The following ADGRB3 variants were observed in gnomAD, a reference collection of about 807,000 sequenced individuals.
The protein encoded by ADGRB3 is adhesion G protein-coupled receptor B3.
A neutral mutation model predicts 193.4 loss-of-function variants in ADGRB3; 37 were observed. The ratio of observed to expected loss-of-function variants is 0.19; its 90% CI spans 0.15 to 0.25. The LOEUF (loss-of-function observed/expected upper bound fraction) is 0.25, where lower values mean the gene tolerates loss of function less well. Ranked by LOEUF, ADGRB3 falls within the 10% of genes least tolerant of loss-of-function variation. The pLI is 1.00. For synonymous variants in ADGRB3, 690 were observed against 644.2 expected (o/e 1.07, Z -1.08); for missense variants, 1,637 against 1,852.9 (o/e 0.88, Z 2.14).
intron 3 of ADGRB3, among the ~76,000 whole-genome samples, chr6:68,814,333 C>T (rs1007891224): frequency 7.2e-5 from 11 of 152,122 alleles, no homozygotes; most frequent in African/African-American, 2.4e-4. Flanking sequence ...TTTCATGTGT[C>T]TTTTGGCTGC....
At chr6:69,116,599 A>G (rs938142914) in intron 17 of ADGRB3, among the ~76,000 whole-genome samples, 20 of 152,234 alleles carry the variant, frequency 1.3e-4, no homozygotes, top group Non-Finnish European at 4.4e-5. Context: ...ATTTTCACTG[A>G]TTGCAGTAAA....
intron 20 of ADGRB3, among the ~76,000 whole-genome samples, chr6:69,273,673 G>T (rs963426013): frequency 6.6e-6 from 1 of 152,184 alleles, no homozygotes; most frequent in Non-Finnish European, 1.5e-5. Flanking sequence ...CAGCTTTCAA[G>T]TTTCTTTGTG....
intron 16 of ADGRB3, among the ~76,000 whole-genome samples, 193 bp downstream of exon 16, chr6:69,063,229 T>C (rs910648863): frequency 3.3e-5 from 5 of 152,148 alleles, no homozygotes; most frequent in African/African-American, 1.2e-4. Context: ...TTCTCTTCAA[T>C]TTATCCAAAT....
chr6:68,992,604 G>A (rs1169104066), intron 10 of ADGRB3, among the ~76,000 whole-genome samples: 1 of 152,094 alleles, frequency 6.6e-6, no homozygotes, highest in Admixed American at 6.6e-5. Flanking sequence ...ATAGGGAGAA[G>A]TACCTAAATA....
At chr6:69,257,243 T>A (rs1394592345) in intron 20 of ADGRB3, among the ~76,000 whole-genome samples, 1 of 152,206 alleles carries the variant, frequency 6.6e-6, no homozygotes, top group Non-Finnish European at 1.5e-5. Context: ...GGATTCCCTC[T>A]TTTTCTATTG....
At chr6:69,198,589 A>C (rs75506214) in intron 17 of ADGRB3, among the ~76,000 whole-genome samples, 1 of 152,058 alleles carries the variant, frequency 6.6e-6, no homozygotes, top group African/African-American at 2.4e-5. Context: ...GGTAGCAGCA[A>C]CTACAAAGGC....
At chr6:68,673,384 A>G (rs1769012676) in intron 3 of ADGRB3, among the ~76,000 whole-genome samples, 1 of 152,158 alleles carries the variant, frequency 6.6e-6, no homozygotes. Context: ...ACTCACTCCC[A>G]GAAAAGATAA....
At chr6:69,331,767 AC>A in intron 23 of ADGRB3, 1 of 985,120 alleles carries the variant, frequency 1.0e-6, no homozygotes, top group Non-Finnish European at 1.2e-6. Flanking sequence ...TAATTGAAAC[AC>A]CAAAGTATGG....
intron 3 of ADGRB3, among the ~76,000 whole-genome samples, chr6:68,868,394 C>A (rs1010045813): frequency 1.3e-5 from 2 of 152,168 alleles, no homozygotes; most frequent in African/African-American, 4.8e-5. Flanking sequence ...GTCAATTAAA[C>A]CTCTTTTCTT....
At chr6:68,696,201 C>A (rs1765154585) in intron 3 of ADGRB3, among the ~76,000 whole-genome samples, 1 of 151,920 alleles carries the variant, frequency 6.6e-6, no homozygotes, top group Non-Finnish European at 1.5e-5. Flanking sequence ...TTCTCATTTT[C>A]TCTTTAAGTA....
At position 68,779,228 on chromosome 6, in the gene ADGRB3, TTATG is replaced by T. The variant is rs1341650697; in HGVS notation, c.757+139798_757+139801del. Among the ~76,000 whole-genome samples the T allele has an allele frequency of 6.3e-3, 586 of 93,378 alleles. 2 individuals carry two copies. Among genetic ancestry groups the T allele is most frequent in the Non-Finnish European group, 5.9e-3 (257 of 43,754 alleles). The allele number at this position is 93,378 out of a possible 152,430, so 61.3% of individuals were successfully genotyped here. A position where few individuals can be genotyped will look rare whatever the true frequency, so the allele number is the denominator to read the frequency against. ...ATTTTGTATTGTATATATGTATATATTATGTGTGTGTGTGTGTGTGTGTGTGTGT... is the reference window on the plus strand; with the variant it reads ...ATTTTGTATTGTATATATGTATATATTGTGTGTGTGTGTGTGTGTGTGTGT... On this transcript the variant is annotated intron_variant, in intron 3 of 31. Coordinates refer to ENST00000370598, the MANE Select transcript of ADGRB3 (RefSeq NM_001704.3).
chr6:68,652,693 A>G (rs2341766), intron 3 of ADGRB3, among the ~76,000 whole-genome samples: 6,510 of 152,224 alleles, frequency 0.043, 188 homozygotes, highest in Non-Finnish European at 0.063. Context: ...TAAATGTAAT[A>G]CATTTGGGTG....
intron 8 of ADGRB3, among the ~76,000 whole-genome samples, chr6:68,960,167 G>A (rs1768192437): frequency 6.6e-6 from 1 of 152,056 alleles, no homozygotes; most frequent in Admixed American, 6.6e-5. Flanking sequence ...GTCATTAACT[G>A]CTAAGTTGGA....
At chr6:68,781,345 A>G (rs995415756) in intron 3 of ADGRB3, among the ~76,000 whole-genome samples, 1 of 152,136 alleles carries the variant, frequency 6.6e-6, no homozygotes, top group East Asian at 1.9e-4. Context: ...CTTTTAGCAC[A>G]TTGCTACTTT....
chr6:68,776,489 T>A (rs563482005), intron 3 of ADGRB3, among the ~76,000 whole-genome samples: 1 of 152,266 alleles, frequency 6.6e-6, no homozygotes, highest in East Asian at 1.9e-4. Context: ...ATGCATAATT[T>A]CACATGTATT....
chr6:68,806,710 GA>G (rs1767407638), intron 3 of ADGRB3, among the ~76,000 whole-genome samples: 1 of 151,598 alleles, frequency 6.6e-6, no homozygotes, highest in Non-Finnish European at 1.5e-5. Flanking sequence ...TTTACAATGA[GA>G]AATTTTATTA....
At chr6:68,911,706 T>G (rs957151092) in intron 3 of ADGRB3, among the ~76,000 whole-genome samples, 2 of 152,196 alleles carry the variant, frequency 1.3e-5, no homozygotes, top group African/African-American at 2.4e-5. Context: ...CCATGGTCTT[T>G]GCAAAAATAA....
intron 17 of ADGRB3, among the ~76,000 whole-genome samples, chr6:69,221,134 G>C (rs1444688880): frequency 6.6e-6 from 1 of 151,830 alleles, no homozygotes; most frequent in Admixed American, 6.6e-5. Flanking sequence ...AATGTATGAG[G>C]TTAAAGCAAA....
chr6:69,087,516 C>T (rs1772584944), intron 17 of ADGRB3, among the ~76,000 whole-genome samples: 1 of 152,130 alleles, frequency 6.6e-6, no homozygotes, highest in Non-Finnish European at 1.5e-5. Context: ...CTTATCACTT[C>T]TGACATATCA....
Sources: gnomAD v4.1 joint callset for allele counts (sites outside exome capture counted in the v4.1 genomes callset) on GRCh38, gnomAD v4.1.1 for gene constraint, MANE v1.5 for transcripts, NCBI Gene and HGNC (gene_info 2026-07-23, HGNC 2026-07-21) for gene names.